INSYN2B: variants seen among roughly 807,000 people sequenced by gnomAD.
INSYN2B encodes the protein inhibitory synaptic factor family member 2B.
INSYN2B carries 16 observed loss-of-function variants against 41.2 expected under a neutral mutation model. The ratio of observed to expected loss-of-function variants is 0.39; its 90% confidence interval spans 0.26 to 0.59. The LOEUF is 0.59. INSYN2B is among the 20% of genes least tolerant of loss of function. INSYN2B has a pLI of 0.57. For synonymous variants in INSYN2B, 245 were observed against 244.4 expected, an observed-to-expected ratio of 1.00 and a Z score of -0.02; for missense variants, 608 against 646.4, an observed-to-expected ratio of 0.94 and a Z score of 0.64.
At chr5:169,970,333 G>A (rs1777456025) in intron 1 of INSYN2B, among the ~76,000 whole-genome samples, 1 of 152,204 alleles carries the variant, frequency 6.6e-6, no homozygotes. Flanking sequence ...GGTCAGAAAA[G>A]TAAAGAAGAA....
At chr5:169,873,876 A>G (rs2113468971) in intron 3 of INSYN2B, among the ~76,000 whole-genome samples, 1 of 152,188 alleles carries the variant, frequency 6.6e-6, no homozygotes. Flanking sequence ...CTCTCTCCTC[A>G]GTGATGTGAA....
chr5:169,956,082 G>T (rs1396732915), intron 1 of INSYN2B, among the ~76,000 whole-genome samples: 2 of 151,892 alleles, frequency 1.3e-5, no homozygotes, highest in Non-Finnish European at 2.9e-5. Flanking sequence ...TGGAGTCTGG[G>T]TTATCTTCCT....
At chr5:169,865,503 C>A (rs1771490092) in intron 3 of INSYN2B, among the ~76,000 whole-genome samples, 1 of 152,206 alleles carries the variant, frequency 6.6e-6, no homozygotes, top group Non-Finnish European at 1.5e-5. Context: ...TCTTAGACAT[C>A]CCTGTGGGCT....
Position 169,884,503 on chromosome 5 carries a change from T to C in INSYN2B, c.-605A>G, listed in dbSNP as rs924710287. On this transcript the variant is annotated 5_prime_UTR_variant, in exon 2 of 4. Transcript: ENST00000377365. ...ATACATGATGCTCCCAAGGGAACAT[T>C]CCCATTTATGTCAATCACAAATTCC... 1 of 152,228 alleles carries C rather than the reference T, an allele frequency of 6.6e-6. No individual in the cohort carries two copies. The highest frequency in any genetic ancestry group is 1.5e-5 in the Non-Finnish European group (1 of 68,042). The allele number at this position is 152,228 out of a possible 1,614,324, so 9.4% of individuals were successfully genotyped here. A position where few individuals can be genotyped will look rare whatever the true frequency, so the allele number is the denominator to read the frequency against.
chr5:169,933,676 C>A (rs777048303), intron 1 of INSYN2B, among the ~76,000 whole-genome samples: 1 of 152,130 alleles, frequency 6.6e-6, no homozygotes, highest in East Asian at 1.9e-4. Context: ...CCTTACTGGC[C>A]GCACTAAGAG....
At chr5:169,899,051 C>T (rs942396055) in intron 1 of INSYN2B, among the ~76,000 whole-genome samples, 2 of 152,118 alleles carry the variant, frequency 1.3e-5, no homozygotes, top group East Asian at 3.9e-4. Flanking sequence ...GACTTGGCTT[C>T]CTAATACATA....
intron 1 of INSYN2B, among the ~76,000 whole-genome samples, chr5:169,928,155 G>A (rs1287460272): frequency 2.0e-5 from 3 of 152,138 alleles, no homozygotes; most frequent in Non-Finnish European, 4.4e-5. Context: ...TGCAACTCAG[G>A]ATCAGCCACC....
rs1406268771 is a variant in INSYN2B, at chr5:169,864,457, A to G, written c.1424T>C (p.Val475Ala). 3 of 1,526,816 alleles carry G rather than the reference A, an allele frequency of 2.0e-6. No individual in the cohort carries two copies. Among genetic ancestry groups the G allele is most frequent in the Non-Finnish European group, 2.6e-6 (3 of 1,135,536 alleles). 94.6% of individuals were successfully genotyped at this position (1,526,816 alleles called of 1,614,324 possible). A position where few individuals can be genotyped will look rare whatever the true frequency, so the allele number is the denominator to read the frequency against. The change falls in exon 4 of 4, where the codon GTA becomes GCA. Residue 475 changes from valine to alanine, a missense_variant and splice_region_variant. Transcript: ENST00000377365. ...TTCCTGCTGCCGAAAATCATACTCT[A>G]CACTGAAAAACACAGAGAGGAAGGA... The part of the protein sequence containing the change: ...CQNTACIIYS[V>A]EYDFRQQEGR...
intron 1 of INSYN2B, among the ~76,000 whole-genome samples, chr5:169,961,448 T>C (rs1777083238): frequency 6.6e-6 from 1 of 152,232 alleles, no homozygotes; most frequent in Non-Finnish European, 1.5e-5. Flanking sequence ...TATAGCATGC[T>C]GAGCATAATG....
chr5:169,954,330 C>T (rs1273830707), intron 1 of INSYN2B, among the ~76,000 whole-genome samples: 1 of 152,210 alleles, frequency 6.6e-6, no homozygotes, highest in Non-Finnish European at 1.5e-5. Context: ...GAACATCAAA[C>T]TTAACAATTA....
chr5:169,881,823 G>A (rs1157129451), intron 2 of INSYN2B, among the ~76,000 whole-genome samples: 1 of 152,156 alleles, frequency 6.6e-6, no homozygotes, highest in Admixed American at 6.5e-5. Context: ...ACAGCAAACA[G>A]CAGTTAATGA....
chr5:169,865,253 G>A (rs1771472597), intron 3 of INSYN2B, among the ~76,000 whole-genome samples: 1 of 152,196 alleles, frequency 6.6e-6, no homozygotes, highest in Non-Finnish European at 1.5e-5. Context: ...ATTGTCCCGT[G>A]CTGATTATCA....
intron 1 of INSYN2B, among the ~76,000 whole-genome samples, chr5:169,896,797 G>A (rs920615280): frequency 6.6e-6 from 1 of 152,162 alleles, no homozygotes; most frequent in African/African-American, 2.4e-5. Context: ...TGTGGGAGTC[G>A]ATTGATAATG....
chr5:169,871,015 G>A (rs1171054543), intron 3 of INSYN2B, among the ~76,000 whole-genome samples: 2 of 152,188 alleles, frequency 1.3e-5, no homozygotes, highest in East Asian at 3.9e-4. Context: ...ACAGACAGCT[G>A]TATTCCCTTG....
At chr5:169,938,262 T>C (rs1311316088) in intron 1 of INSYN2B, among the ~76,000 whole-genome samples, 1 of 151,958 alleles carries the variant, frequency 6.6e-6, no homozygotes, top group Non-Finnish European at 1.5e-5. Context: ...AATGTGTTCT[T>C]CCTGGGATGT....
chr5:169,890,099 C>T (rs189784991), intron 1 of INSYN2B, among the ~76,000 whole-genome samples: 8 of 152,336 alleles, frequency 5.3e-5, no homozygotes, highest in Admixed American at 5.2e-4. Context: ...ATGACTTGTC[C>T]TAAGTCACAG....
intron 1 of INSYN2B, among the ~76,000 whole-genome samples, chr5:169,921,938 T>C (rs1348981435): frequency 2.0e-5 from 3 of 152,198 alleles, no homozygotes; most frequent in African/African-American, 7.2e-5. Flanking sequence ...TTTAAAAAAA[T>C]GCTCCAGAGA....
At chr5:169,900,792 G>A (rs990041227) in intron 1 of INSYN2B, among the ~76,000 whole-genome samples, 4 of 152,092 alleles carry the variant, frequency 2.6e-5, no homozygotes, top group African/African-American at 9.7e-5. Flanking sequence ...CTTGGTGGTG[G>A]AAAAACTGAA....
At chr5:169,940,874 C>G (rs760877422) in intron 1 of INSYN2B, among the ~76,000 whole-genome samples, 2 of 152,154 alleles carry the variant, frequency 1.3e-5, no homozygotes, top group Non-Finnish European at 2.9e-5. Context: ...GTGTTGGGGA[C>G]CCCAGATCTA....
Sources: allele counts gnomAD v4.1 joint callset (sites outside exome capture counted in the v4.1 genomes callset), GRCh38; gene constraint gnomAD v4.1.1; transcripts MANE v1.5; gene names NCBI Gene and HGNC (gene_info 2026-07-23, HGNC 2026-07-21).